The following PIK3R1 variants were observed in gnomAD, a reference collection of about 807,000 sequenced individuals.
The protein encoded by PIK3R1 is phosphoinositide-3-kinase regulatory subunit 1, also known as phosphatidylinositol 3-kinase regulatory subunit alpha.
PIK3R1 carries 29 observed loss-of-function variants against 98.0 expected under a neutral mutation model. The ratio of observed to expected loss-of-function variants is 0.30; its 90% confidence interval spans 0.22 to 0.40. The LOEUF is 0.40. PIK3R1 is among the 10% of genes least tolerant of loss of function. PIK3R1 has a pLI of 1.00. For synonymous variants in PIK3R1, 282 were observed against 311.8 expected (o/e 0.90, Z 1.01); for missense variants, 596 against 872.7 (o/e 0.68, Z 3.99).
At chr5:68,294,408 T>C (rs578045380) in intron 11 of PIK3R1, 128 bp from the exon 12 acceptor site, 3 of 587,484 alleles carry the variant, frequency 5.1e-6, no homozygotes, top group South Asian at 6.6e-5. Flanking sequence ...TGGGATACTG[T>C]TTTAATGGAT....
At chr5:68,296,896 G>A (rs552862352) in intron 15 of PIK3R1, among the ~76,000 whole-genome samples, 6 of 152,280 alleles carry the variant, frequency 3.9e-5, no homozygotes, top group African/African-American at 1.2e-4. Context: ...TTCATTTAAT[G>A]AGAGAAATAG....
rs556314227 is a variant in PIK3R1, at chr5:68,239,798, G to C, written c.334+12789G>C. 2.2e-4 allele frequency: 111 copies of C among 495,222 alleles called. 2 individuals are homozygous for C. The highest frequency in any genetic ancestry group is 1.8e-3 in the South Asian group (109 of 61,648). The allele number at this position is 495,222 out of a possible 1,614,324, so 30.7% of individuals were successfully genotyped here. Reference sequence around the variant, plus strand: ...TTGCCAGTGACGTGTGATGCGGTCTGATATGACAAAGTGAGTTAAACAAGC... The same window carrying C: ...TTGCCAGTGACGTGTGATGCGGTCTCATATGACAAAGTGAGTTAAACAAGC... On this transcript the variant is annotated intron_variant, in intron 2 of 15. Coordinates refer to ENST00000521381, the MANE Select transcript of PIK3R1 (RefSeq NM_181523.3).
At position 68,299,460 on chromosome 5, in the gene PIK3R1, A is replaced by ATGTT. The variant is rs560308197; in HGVS notation, c.*1861_*1864dup. ...GGGGGGAGAAGGAAACGTTAGCATCATGTTTCCCATTTAGGGCAGGAGTGA... is the reference window on the plus strand; with the variant it reads ...GGGGGGAGAAGGAAACGTTAGCATCATGTTTGTTTCCCATTTAGGGCAGGAGTGA... On this transcript the variant is annotated 3_prime_UTR_variant, in exon 16 of 16. Transcript: ENST00000521381. 272 of 233,398 alleles carry ATGTT rather than the reference A, an allele frequency of 1.2e-3. 1 individual carries two copies. Among genetic ancestry groups the ATGTT allele is most frequent in the African/African-American group, 5.6e-3 (253 of 45,430 alleles). 14.5% of individuals were successfully genotyped at this position (233,398 alleles called of 1,614,324 possible).
intron 2 of PIK3R1, among the ~76,000 whole-genome samples, chr5:68,256,374 T>C (rs779177700): frequency 1.3e-5 from 2 of 152,014 alleles, no homozygotes; most frequent in Non-Finnish European, 2.9e-5. Flanking sequence ...GGACTACAGG[T>C]GCCCGCCACC....
chr5:68,287,781 C>T (rs1357265375), intron 7 of PIK3R1, among the ~76,000 whole-genome samples: 1 of 152,174 alleles, frequency 6.6e-6, no homozygotes, highest in African/African-American at 2.4e-5. Context: ...GAGTTGCAAT[C>T]GACCTCATAA....
chr5:68,220,226 GC>G (rs746747030), intron 1 of PIK3R1, among the ~76,000 whole-genome samples: 11 of 152,142 alleles, frequency 7.2e-5, no homozygotes, highest in South Asian at 2.1e-4. Flanking sequence ...TCTGACTGGG[GC>G]AGCTGCCTGA....
chr5:68,290,910 T>C, intron 7 of PIK3R1: 1 of 916,190 alleles, frequency 1.1e-6, no homozygotes, highest in Non-Finnish European at 1.7e-6. Context: ...CTGTAAAAGA[T>C]CCTTTTTGGA....
chr5:68,249,101 A>G (rs1035662385), intron 2 of PIK3R1, among the ~76,000 whole-genome samples: 2 of 152,236 alleles, frequency 1.3e-5, no homozygotes, highest in African/African-American at 4.8e-5. Context: ...ATGCATTGTT[A>G]TAATCAGGCT....
intron 2 of PIK3R1, among the ~76,000 whole-genome samples, chr5:68,229,655 G>A (rs930910486): frequency 9.9e-5 from 15 of 152,274 alleles, no homozygotes; most frequent in African/African-American, 3.4e-4. Context: ...GTGTCCTGCT[G>A]AGCCTTGCTG....
At chr5:68,265,401 G>C (rs1746082611) in intron 2 of PIK3R1, among the ~76,000 whole-genome samples, 1 of 151,982 alleles carries the variant, frequency 6.6e-6, no homozygotes, top group South Asian at 2.1e-4. Context: ...ACAGACTGGT[G>C]TTTATGTCTG....
In PIK3R1 at chr5:68,301,255, G is replaced by T; in HGVS notation, c.*3654G>T. The stretch of plus-strand genomic sequence containing the variant: ...AAAATACTGGTATTATGGGTGGGGA[G>T]GAAATAGAATTGAGTCAATTGGAAA... On this transcript the variant is annotated 3_prime_UTR_variant, in exon 16 of 16. Transcript: ENST00000521381. 1 of 198,410 alleles carries T rather than the reference G, an allele frequency of 5.0e-6. No individual in the cohort carries two copies. The highest frequency in any genetic ancestry group is 7.7e-5 in the East Asian group (1 of 12,994). 12.3% of individuals were successfully genotyped at this position (198,410 alleles called of 1,614,324 possible).
intron 8 of PIK3R1, chr5:68,292,563 G>T: frequency 6.7e-7 from 1 of 1,501,268 alleles, no homozygotes; most frequent in Non-Finnish European, 8.9e-7. Flanking sequence ...TACCCGGGAA[G>T]TTTCATTATT....
chr5:68,292,503 G>A lies in PIK3R1; in HGVS notation c.1019+142G>A, dbSNP rs778722377. 45 of 1,506,400 alleles carry A rather than the reference G, an allele frequency of 3.0e-5. No individual in the cohort carries two copies. In the African/African-American group the frequency reaches 6.1e-4, roughly 20 times the overall value. The allele number at this position is 1,506,400 out of a possible 1,614,324, so 93.3% of individuals were successfully genotyped here. A position where few individuals can be genotyped will look rare whatever the true frequency, so the allele number is the denominator to read the frequency against. Reference sequence around the variant, plus strand: ...TCTCTTCCAAAGACGACCAGAAAAAGTCACTGAGCACTGGAGAACTGTGGG... The same window carrying A: ...TCTCTTCCAAAGACGACCAGAAAAAATCACTGAGCACTGGAGAACTGTGGG... On this transcript the variant is annotated intron_variant, in intron 8 of 15. Transcript: ENST00000521381.
At chr5:68,240,376 C>T (rs556286027) in intron 2 of PIK3R1, among the ~76,000 whole-genome samples, 1 of 152,322 alleles carries the variant, frequency 6.6e-6, no homozygotes, top group Non-Finnish European at 1.5e-5. Flanking sequence ...GTCTAATCTT[C>T]CCCTTAGGGG....
intron 1 of PIK3R1, among the ~76,000 whole-genome samples, chr5:68,225,659 A>C (rs1364460022): frequency 6.6e-6 from 1 of 152,156 alleles, no homozygotes; most frequent in African/African-American, 2.4e-5. Flanking sequence ...CACTGTGGTT[A>C]GATTGATATT....
chr5:68,250,933 C>G (rs1745283261), intron 2 of PIK3R1, among the ~76,000 whole-genome samples: 1 of 152,212 alleles, frequency 6.6e-6, no homozygotes, highest in African/African-American at 2.4e-5. Context: ...AAGCCTAATT[C>G]ATATCCTTCA....
chr5:68,276,860 A>G (rs1194376719), intron 4 of PIK3R1, among the ~76,000 whole-genome samples: 2 of 152,166 alleles, frequency 1.3e-5, no homozygotes, highest in African/African-American at 2.4e-5. Flanking sequence ...ATCCACAAAC[A>G]TTTAACACGT....
chr5:68,290,729 A>G (rs1267812755), intron 7 of PIK3R1: 7 of 1,607,714 alleles, frequency 4.4e-6, no homozygotes, highest in Non-Finnish European at 5.9e-6. Context: ...TCTTGCACAA[A>G]TGTACAATAC....
intron 4 of PIK3R1, 23 bp downstream of exon 4, chr5:68,274,036 T>G (rs776734906): frequency 6.3e-7 from 1 of 1,584,616 alleles, no homozygotes; most frequent in Non-Finnish European, 8.7e-7. Flanking sequence ...GAGCTAGAAA[T>G]GCAAATGGGA....
Sources: gnomAD v4.1 joint callset for allele counts (sites outside exome capture counted in the v4.1 genomes callset) on GRCh38, gnomAD v4.1.1 for gene constraint, MANE v1.5 for transcripts, NCBI Gene and HGNC (gene_info 2026-07-23, HGNC 2026-07-21) for gene names.